IRAK2: variants seen among roughly 807,000 people sequenced by gnomAD.
IRAK2 encodes the protein interleukin-1 receptor-associated kinase-like 2.
In IRAK2, 57 loss-of-function variants were observed where a neutral mutation model predicts 72.0. That is an observed-to-expected ratio of 0.79 (90% CI 0.64 to 0.99). The LOEUF is 0.99. Ranked by LOEUF, IRAK2 falls within the 50% of genes least tolerant of loss-of-function variation. The pLI is 0.00. For missense variants in IRAK2, 790 were observed against 794.4 expected (o/e 0.99, Z 0.07); for synonymous variants, 293 against 312.7 (o/e 0.94, Z 0.67).
At position 10,242,587 on chromosome 3, in the gene IRAK2, T is replaced by A. The variant is rs1431883148; in HGVS notation, c.*359T>A. ...GCAGATTCCATTACCTCAGCAGCTC[T>A]TGTTCCCCCGCCACTGGCAGTTCTG... On this transcript the variant is annotated 3_prime_UTR_variant, in exon 13 of 13. Transcript: ENST00000256458. The A allele has an allele frequency of 6.2e-6, 1 of 160,040 alleles. No homozygotes were observed. The highest frequency in any genetic ancestry group is 1.7e-4 in the East Asian group (1 of 5,802). The allele number at this position is 160,040 out of a possible 1,614,324, so 9.9% of individuals were successfully genotyped here.
At chr3:10,221,673 C>T (rs777623993) in intron 8 of IRAK2, among the ~76,000 whole-genome samples, 48 of 152,000 alleles carry the variant, frequency 3.2e-4, no homozygotes, top group Admixed American at 1.3e-3. Flanking sequence ...ACCACAGGCA[C>T]GCACCACCAT....
chr3:10,188,492 C>T (rs1697118209), intron 2 of IRAK2, among the ~76,000 whole-genome samples: 1 of 151,790 alleles, frequency 6.6e-6, no homozygotes, highest in Non-Finnish European at 1.5e-5. Context: ...CACTACCACG[C>T]CTGGCTAATT....
Position 10,227,692 on chromosome 3 carries a change from G to A in IRAK2, c.1272+1259G>A, listed in dbSNP as rs542308278. Among the ~76,000 whole-genome samples, 8 of 149,336 alleles carry A rather than the reference G, an allele frequency of 5.4e-5. No homozygotes were observed. The East Asian group carries it at 1.0e-3, about 19-fold the overall frequency. ...TTTTTTTTGTTTTTGTTTTTGAGACGGAGTCTTGCTCTGTCGCCCAGGCTG... is the reference window on the plus strand; with the variant it reads ...TTTTTTTTGTTTTTGTTTTTGAGACAGAGTCTTGCTCTGTCGCCCAGGCTG... On this transcript the variant is annotated intron_variant, in intron 10 of 12. Coordinates refer to ENST00000256458, the MANE Select transcript of IRAK2 (RefSeq NM_001570.4).
chr3:10,197,744 C>T (rs1258349290), intron 2 of IRAK2, among the ~76,000 whole-genome samples: 1 of 149,436 alleles, frequency 6.7e-6, no homozygotes, highest in Non-Finnish European at 1.5e-5. Flanking sequence ...CCCAGCTACT[C>T]GGGAGGCTGA....
At chr3:10,239,207 C>T (rs1698014464) in intron 12 of IRAK2, among the ~76,000 whole-genome samples, 168 bp downstream of exon 12, 2 of 152,212 alleles carry the variant, frequency 1.3e-5, no homozygotes, top group African/African-American at 2.4e-5. Context: ...TTGACACCTC[C>T]CTCTCCCTGC....
At chr3:10,177,279 A>G (rs1004533206) in intron 1 of IRAK2, among the ~76,000 whole-genome samples, 1 of 152,102 alleles carries the variant, frequency 6.6e-6, no homozygotes, top group Non-Finnish European at 1.5e-5. Context: ...GACTTAGCTG[A>G]GAGGAATGAG....
intron 1 of IRAK2, among the ~76,000 whole-genome samples, chr3:10,176,896 A>G (rs1466451730): frequency 2.2e-5 from 3 of 135,824 alleles, no homozygotes; most frequent in Admixed American, 7.5e-5. Context: ...TCCGCCTCCC[A>G]GGTTCACGCC....
chr3:10,197,317 A>G (rs1285277571), intron 2 of IRAK2, among the ~76,000 whole-genome samples: 2 of 151,348 alleles, frequency 1.3e-5, no homozygotes, highest in African/African-American at 2.4e-5. Context: ...TCCAGGAGGC[A>G]GAGGTTGCAG....
Position 10,177,952 on chromosome 3 carries a change from C to G in IRAK2, c.209C>G (p.Thr70Ser). The stretch of plus-strand genomic sequence containing the variant: ...TGGTGGTGGGGCATGCGGCAGGCCA[C>G]CGTCCAGCAACTTGTGGACCTCCTG... ...LLWWWGMRQA[T>S]VQQLVDLLCR... Residue 70 changes from threonine to serine, a missense_variant, in exon 2 of 13, where the codon ACC becomes AGC. Physicochemically the swap from Thr to Ser is moderately conservative, Grantham distance 58. Transcript: ENST00000256458. 1 of 1,613,776 alleles carries G rather than the reference C, an allele frequency of 6.2e-7. No individual in the cohort carries two copies. The highest frequency in any genetic ancestry group is 1.3e-5 in the African/African-American group (1 of 75,042).
At chr3:10,233,154 A>T (rs1313533626) in intron 10 of IRAK2, among the ~76,000 whole-genome samples, 1 of 152,016 alleles carries the variant, frequency 6.6e-6, no homozygotes. Flanking sequence ...AGTTCAAGCA[A>T]TTCTCCTACC....
At chr3:10,187,011 T>A (rs1323406526) in intron 2 of IRAK2, among the ~76,000 whole-genome samples, 1 of 150,928 alleles carries the variant, frequency 6.6e-6, no homozygotes, top group African/African-American at 2.5e-5. Context: ...CATTATATCC[T>A]TAGTGGCTGA....
At chr3:10,193,967 C>T (rs11924414) in intron 2 of IRAK2, among the ~76,000 whole-genome samples, 1 of 152,268 alleles carries the variant, frequency 6.6e-6, no homozygotes, top group Non-Finnish European at 1.5e-5. Flanking sequence ...GCCTTCCACC[C>T]TAAATGCTTC....
At chr3:10,212,909 C>T (rs6790754) in intron 4 of IRAK2, among the ~76,000 whole-genome samples, 2,225 of 152,110 alleles carry the variant, frequency 0.015, 54 homozygotes, top group African/African-American at 0.051. Context: ...GGACTACAGG[C>T]GCCCGCCACC....
rs183204088 is a variant in IRAK2 at position 10,216,943 on chromosome 3, C to T, written c.798C>T (p.His266=). 3.7e-6 allele frequency: 6 copies of T among 1,613,836 alleles called. No individual in the cohort carries two copies. The highest frequency in any genetic ancestry group is 1.7e-5 in the Admixed American group (1 of 60,012). The change falls in exon 7 of 13, where the codon CAC becomes CAT. Residue 266 remains histidine (H), a synonymous_variant. Transcript: ENST00000256458. ...TGACGCCCGATTCCAGATGCTGCCA[C>T]CCCAATGTCTTACCTGTGCTGGGCT... ...AELQICLRCC[H]PNVLPVLGFC...
At chr3:10,204,153 C>A (rs1488134714) in intron 3 of IRAK2, among the ~76,000 whole-genome samples, 1 of 152,218 alleles carries the variant, frequency 6.6e-6, no homozygotes, top group African/African-American at 2.4e-5. Flanking sequence ...CACAGCCTGA[C>A]CTTTGTGCTC....
intron 3 of IRAK2, among the ~76,000 whole-genome samples, chr3:10,205,545 C>T (rs1697422191): frequency 6.6e-6 from 1 of 152,160 alleles, no homozygotes; most frequent in Non-Finnish European, 1.5e-5. Context: ...AAGCTCTGAC[C>T]TCAGATTTAC....
intron 2 of IRAK2, among the ~76,000 whole-genome samples, chr3:10,181,333 G>T (rs1229012156): frequency 3.3e-5 from 5 of 152,184 alleles, no homozygotes; most frequent in Non-Finnish European, 7.3e-5. Flanking sequence ...CCCTTGGCTG[G>T]GCATGGTGGC....
chr3:10,182,473 G>T (rs2928090), intron 2 of IRAK2, among the ~76,000 whole-genome samples: 3 of 151,126 alleles, frequency 2.0e-5, no homozygotes, highest in Admixed American at 6.6e-5. Flanking sequence ...AGTTAGAGAC[G>T]GGGTTTCACC....
chr3:10,185,811 G>A (rs1170173097), intron 2 of IRAK2, among the ~76,000 whole-genome samples: 2 of 151,436 alleles, frequency 1.3e-5, no homozygotes, highest in African/African-American at 4.9e-5. Flanking sequence ...GGGAGGTGGA[G>A]GTTTGCAGTG....
Sources: gnomAD v4.1 joint callset for allele counts (sites outside exome capture counted in the v4.1 genomes callset) on GRCh38, gnomAD v4.1.1 for gene constraint, MANE v1.5 for transcripts, NCBI Gene and HGNC (gene_info 2026-07-23, HGNC 2026-07-21) for gene names.